The following RYR2 variants were observed in gnomAD, a reference collection of about 807,000 sequenced individuals.
The protein encoded by RYR2 is ryanodine receptor 2, also known as cardiac muscle ryanodine receptor-calcium release channel.
In RYR2, 227 loss-of-function variants were observed where a neutral mutation model predicts 601.1. That is an observed-to-expected ratio of 0.38 (90% CI 0.34 to 0.42). The LOEUF is 0.42. Ranked by LOEUF, RYR2 falls within the 10% of genes least tolerant of loss-of-function variation. The probability of loss-of-function intolerance (pLI) is 1.00; values close to 1 mark genes in which losing one functional copy is unlikely to be tolerated. For missense variants in RYR2, 4,646 were observed against 6,156.5 expected (o/e 0.75, Z 8.21); for synonymous variants, 2,223 against 2,175.1 (o/e 1.02, Z -0.61).
In RYR2 at chr1:237,467,044, T is replaced by A. The variant is rs1376288563; in HGVS notation, c.1613-2048T>A. ...TTTTCTTAAATGCCCCATGGCTTAT[T>A]AAAAGAGTTCATTCTTACACTATTA... On this transcript the variant is annotated intron_variant, in intron 16 of 104. Transcript: ENST00000366574. Among the ~76,000 whole-genome samples the A allele has an allele frequency of 4.0e-5, 6 of 150,826 alleles. No homozygotes were observed. In the South Asian group the frequency reaches 1.0e-3, roughly 26 times the overall value.
At chr1:237,805,171 A>G (rs527655264) in intron 98 of RYR2, among the ~76,000 whole-genome samples, 39 of 152,352 alleles carry the variant, frequency 2.6e-4, no homozygotes, top group East Asian at 1.2e-3. Flanking sequence ...AACAACGACA[A>G]TTCCTGAAAC....
At chr1:237,554,578 T>C (rs1343297343) in intron 27 of RYR2, among the ~76,000 whole-genome samples, 2 of 151,996 alleles carry the variant, frequency 1.3e-5, no homozygotes, top group African/African-American at 2.4e-5. Context: ...TTCAAATATT[T>C]GATAGAATTT....
chr1:237,786,313 G>A (rs1264381192), intron 91 of RYR2, among the ~76,000 whole-genome samples: 1 of 152,196 alleles, frequency 6.6e-6, no homozygotes, highest in Non-Finnish European at 1.5e-5. Context: ...AAAGACTCCA[G>A]TGATTGCATG....
At chr1:237,496,865 G>A in intron 20 of RYR2, 113 bp downstream of exon 20, 2 of 1,274,346 alleles carry the variant, frequency 1.6e-6, no homozygotes, top group South Asian at 1.6e-5. Context: ...TAATTATTCA[G>A]AAATTTAGCA....
chr1:237,608,544 A>G (rs993771543), intron 35 of RYR2, among the ~76,000 whole-genome samples: 1 of 152,088 alleles, frequency 6.6e-6, no homozygotes, highest in Non-Finnish European at 1.5e-5. Flanking sequence ...CAAAAAATAA[A>G]AAATTATTTT....
At chr1:237,231,560 GC>G (rs1347408349) in intron 1 of RYR2, among the ~76,000 whole-genome samples, 1 of 152,100 alleles carries the variant, frequency 6.6e-6, no homozygotes, top group Non-Finnish European at 1.5e-5. Flanking sequence ...GTCAAGCCTT[GC>G]TTGGATTTTG....
intron 1 of RYR2, among the ~76,000 whole-genome samples, chr1:237,101,548 TACAAGA>T (rs1436866491): frequency 8.5e-5 from 13 of 152,336 alleles, no homozygotes; most frequent in African/African-American, 2.9e-4. Context: ...CTCTCGATCT[TACAAGA>T]GCAAGAGCTC....
At chr1:237,255,433 C>T (rs1687856444) in intron 1 of RYR2, among the ~76,000 whole-genome samples, 1 of 152,170 alleles carries the variant, frequency 6.6e-6, no homozygotes, top group Non-Finnish European at 1.5e-5. Flanking sequence ...TTAGGCTCTT[C>T]ACTTCTTTTT....
chr1:237,568,488 T>C (rs1285880670), intron 28 of RYR2, among the ~76,000 whole-genome samples: 1 of 152,198 alleles, frequency 6.6e-6, no homozygotes, highest in Non-Finnish European at 1.5e-5. Context: ...ATATGAGATT[T>C]CACTTTATGT....
At chr1:237,173,659 G>A (rs751868769) in intron 1 of RYR2, among the ~76,000 whole-genome samples, 4 of 152,152 alleles carry the variant, frequency 2.6e-5, no homozygotes, top group Admixed American at 6.5e-5. Flanking sequence ...GCAAATACCT[G>A]TCTATACACG....
chr1:237,413,580 C>T (rs1238307014), intron 10 of RYR2, among the ~76,000 whole-genome samples: 1 of 151,872 alleles, frequency 6.6e-6, no homozygotes, highest in African/African-American at 2.4e-5. Context: ...ACCTTATTAC[C>T]TTATGTAATT....
intron 1 of RYR2, among the ~76,000 whole-genome samples, chr1:237,130,336 C>T (rs1558289353): frequency 1.3e-5 from 2 of 152,058 alleles, no homozygotes; most frequent in African/African-American, 4.8e-5. Context: ...GATTGGTTCC[C>T]TAGAGAACTA....
intron 58 of RYR2, among the ~76,000 whole-genome samples, chr1:237,670,480 T>C (rs1684835390): frequency 6.6e-6 from 1 of 152,218 alleles, no homozygotes; most frequent in Non-Finnish European, 1.5e-5. Flanking sequence ...GTTTGGCTCA[T>C]GGATGCATGG....
intron 66 of RYR2, among the ~76,000 whole-genome samples, chr1:237,703,439 A>T (rs1406560475): frequency 6.6e-6 from 1 of 150,982 alleles, no homozygotes; most frequent in Non-Finnish European, 1.5e-5. Flanking sequence ...GCCTTTTCTC[A>T]TCTTGCATCT....
rs766910108 is a variant in RYR2, at chr1:237,610,869, C to T, written c.4791C>T (p.Ser1597=). Residue 1597 remains serine (S), a synonymous_variant, in exon 36 of 105, where the codon AGC becomes AGT. Coordinates refer to ENST00000366574, the MANE Select transcript of RYR2 (RefSeq NM_001035.3). The surrounding 1 kb of genome is among the most constrained non-coding windows in gnomAD (Gnocchi z 4.9). ...AGTTCCTGTCACACGTCCTGTGGAG[C>T]AGAATGCCCAACCAGTTTTTGAAGG... ...HVQFLSHVLW[S]RMPNQFLKVD... 1.2e-6 allele frequency: 2 copies of T among 1,613,372 alleles called. No homozygotes were observed. Among genetic ancestry groups the T allele is most frequent in the Admixed American group, 3.3e-5 (2 of 59,960 alleles).
chr1:237,577,244 T>C (rs1057174271), intron 29 of RYR2, among the ~76,000 whole-genome samples: 2 of 152,178 alleles, frequency 1.3e-5, no homozygotes, highest in Admixed American at 1.3e-4. Flanking sequence ...ACTACGGTAA[T>C]AAATGACAAC....
intron 1 of RYR2, among the ~76,000 whole-genome samples, chr1:237,067,852 C>T (rs750038718): frequency 2.0e-5 from 3 of 152,082 alleles, no homozygotes; most frequent in Non-Finnish European, 4.4e-5. Context: ...TTATTGCTTC[C>T]TATTTCCTTT....
rs184625125 is a variant in RYR2, at chr1:237,784,027, C to T, written c.12315C>T (p.Leu4105=). The T allele has an allele frequency of 8.7e-6, 14 of 1,614,034 alleles. No homozygotes were observed. The Admixed American group carries it at 1.5e-4, about 17-fold the overall frequency. The change falls in exon 90 of 105, where the codon CTC becomes CTT. Residue 4105 remains leucine, a synonymous_variant. Coordinates refer to ENST00000366574, the MANE Select transcript of RYR2 (RefSeq NM_001035.3). The surrounding 1 kb of genome is among the most constrained non-coding windows in gnomAD (Gnocchi z 7.1). ...GFNVAVLLTN[L]SEHMPNDTRL... is the part of the protein sequence containing the mutation. ...ACGTCGCCGTCCTTCTGACAAACCT[C>T]TCTGAGCACATGCCCAACGATACCC...
At chr1:237,340,259 C>T (rs1226706680) in intron 3 of RYR2, among the ~76,000 whole-genome samples, 1 of 152,182 alleles carries the variant, frequency 6.6e-6, no homozygotes, top group Non-Finnish European at 1.5e-5. Flanking sequence ...CATGTCCATT[C>T]TCCACCTGTC....
Sources: allele counts gnomAD v4.1 joint callset (sites outside exome capture counted in the v4.1 genomes callset), GRCh38; gene constraint gnomAD v4.1.1; non-coding constraint Gnocchi (gnomAD v3.1); transcripts MANE v1.5; gene names NCBI Gene and HGNC (gene_info 2026-07-23, HGNC 2026-07-21).